KMT2C: variants seen among roughly 807,000 people sequenced by gnomAD.
KMT2C encodes histone-lysine N-methyltransferase 2C.
KMT2C carries 88 observed loss-of-function variants against 507.9 expected under a neutral mutation model. That is an observed-to-expected ratio of 0.17 (90% CI 0.15 to 0.21). The LOEUF (loss-of-function observed/expected upper bound fraction) is 0.21. Among genes scored for constraint, KMT2C ranks in the 10% least tolerant of loss-of-function variants. KMT2C has a pLI of 1.00. For synonymous variants in KMT2C, 2,049 were observed against 2,080.8 expected (o/e 0.98, Z 0.42); for missense variants, 4,954 against 5,957.8 (o/e 0.83, Z 5.55).
chr7:152,161,930 A>G (rs553003555), intron 43 of KMT2C, among the ~76,000 whole-genome samples, 187 bp downstream of exon 43: 9 of 152,380 alleles, frequency 5.9e-5, no homozygotes, highest in Admixed American at 2.6e-4. Flanking sequence ...ACAAATTATT[A>G]TTTAATATAG....
chr7:152,169,003 A>G (rs534969726), intron 41 of KMT2C, among the ~76,000 whole-genome samples, 183 bp downstream of exon 41: 1 of 152,342 alleles, frequency 6.6e-6, no homozygotes, highest in Admixed American at 6.5e-5. Context: ...TGCACAGTGA[A>G]AAAAGCAATG....
At chr7:152,185,422 A>G (rs1351632764) in intron 34 of KMT2C, 136 bp downstream of exon 34, 1 of 607,256 alleles carries the variant, frequency 1.6e-6, no homozygotes, top group Non-Finnish European at 2.9e-6. Flanking sequence ...AAATCACTTT[A>G]AAAATAAAGT....
chr7:152,191,291 G>A (rs1588084048), intron 31 of KMT2C, among the ~76,000 whole-genome samples: 1 of 152,096 alleles, frequency 6.6e-6, no homozygotes, highest in Admixed American at 6.5e-5. Context: ...TAAATTCATT[G>A]TACCTCCACT....
rs2129114947 is a variant in KMT2C, at chr7:152,177,522, A to T, written c.7931T>A (p.Met2644Lys). The change falls in exon 38 of 59, where the codon ATG (methionine) becomes AAG (lysine). Residue 2644 changes from methionine (M) to lysine (K), a missense_variant. Physicochemically the swap from Met to Lys is moderately conservative, Grantham distance 95 (BLOSUM62 -1). Transcript: ENST00000262189. ...EQGHSVHSSSMVMRTLNHPLG... is the reference protein window; with the variant it reads ...EQGHSVHSSSKVMRTLNHPLG... Reference sequence around the variant, plus strand: ...TGGATGGTTCAGAGTCCTCATGACCATAGAAGATGAATGGACAGAATGACC... The same window carrying T: ...TGGATGGTTCAGAGTCCTCATGACCTTAGAAGATGAATGGACAGAATGACC... The T allele has an allele frequency of 6.2e-7, 1 of 1,614,232 alleles. No homozygotes were observed. The highest frequency in any genetic ancestry group is 8.5e-7 in the Non-Finnish European group (1 of 1,180,048).
intron 28 of KMT2C, 29 bp from the exon 29 acceptor site, chr7:152,194,597 G>A (rs2129129832): frequency 1.3e-6 from 2 of 1,591,204 alleles, no homozygotes; most frequent in Non-Finnish European, 8.6e-7. Context: ...TAAATTTAAA[G>A]GTACATTCAG....
In KMT2C at chr7:152,153,122, C is replaced by T. The variant is rs989158384; in HGVS notation, c.12277-168G>A. ...ACCTCAGGAAAAAAATTAGCTCTAA[C>T]GAACTAATATCCAAAAAAAGAAATT... On this transcript the variant is annotated intron_variant, in intron 48 of 58. Coordinates refer to ENST00000262189, the MANE Select transcript of KMT2C (RefSeq NM_170606.3). Among the ~76,000 whole-genome samples the T allele has an allele frequency of 4.6e-5, 7 of 151,622 alleles. No individual in the cohort carries two copies. In the East Asian group the frequency reaches 5.9e-4, roughly 13 times the overall value.
intron 1 of KMT2C, among the ~76,000 whole-genome samples, chr7:152,402,247 TG>T (rs1413643428): frequency 6.6e-6 from 1 of 150,648 alleles, no homozygotes. Context: ...AAAAATCTAT[TG>T]GGGAAGCAGA....
At chr7:152,401,177 C>T (rs192453910) in intron 1 of KMT2C, among the ~76,000 whole-genome samples, 138 of 151,852 alleles carry the variant, frequency 9.1e-4, no homozygotes, top group Non-Finnish European at 1.5e-3. Flanking sequence ...CCTCCGCCTC[C>T]GGGGTTCAAG....
intron 1 of KMT2C, among the ~76,000 whole-genome samples, chr7:152,409,990 G>A (rs945466341): frequency 1.3e-5 from 2 of 152,188 alleles, no homozygotes; most frequent in Non-Finnish European, 2.9e-5. Context: ...AAAACCTTGA[G>A]AACTAAAGGG....
chr7:152,271,864 A>G (rs1192413723), intron 7 of KMT2C, among the ~76,000 whole-genome samples: 2 of 152,122 alleles, frequency 1.3e-5, no homozygotes, highest in Non-Finnish European at 2.9e-5. Flanking sequence ...TGTTATTATT[A>G]TATCATTATA....
intron 34 of KMT2C, among the ~76,000 whole-genome samples, chr7:152,183,962 C>T (rs1307831651): frequency 2.0e-5 from 3 of 150,782 alleles, no homozygotes; most frequent in Non-Finnish European, 4.4e-5. Flanking sequence ...ATCCCAGCTA[C>T]TTGGGAGGCT....
At chr7:152,195,625 G>T (rs2093939147) in intron 28 of KMT2C, 4 of 796,824 alleles carry the variant, frequency 5.0e-6, no homozygotes, top group Non-Finnish European at 6.1e-6. Flanking sequence ...GGAAGTGAGG[G>T]AAAATACAAA....
Position 152,187,414 on chromosome 7 carries a change from G to A in KMT2C, c.4856C>T (p.Ala1619Val), listed in dbSNP as rs1457412767. The A allele has an allele frequency of 1.4e-5, 22 of 1,614,120 alleles. No homozygotes were observed. The highest frequency in any genetic ancestry group is 1.7e-5 in the Non-Finnish European group (20 of 1,179,994). Residue 1619 changes from alanine to valine, a missense_variant, in exon 33 of 59, where the codon GCT (alanine) becomes GTT (valine). Physicochemically the swap from Ala to Val is moderately conservative, Grantham distance 64 (BLOSUM62 0). Transcript: ENST00000262189. ...SDPNNSWTSS[A>V]PTVEGENDTM... ...GTCATTTTCTCCTTCCACAGTGGGA[G>A]CTGATGATGTCCAAGAGTTGTTAGG... is the stretch of plus-strand genomic sequence containing the variant.
At chr7:152,178,676 A>G (rs933384333) in intron 37 of KMT2C, among the ~76,000 whole-genome samples, 5 of 152,100 alleles carry the variant, frequency 3.3e-5, no homozygotes, top group Admixed American at 2.0e-4. Context: ...GGAAATTAAG[A>G]GTAAGATTAC....
chr7:152,175,913 C>T lies in KMT2C; in HGVS notation c.9262+278G>A, dbSNP rs543828536. Among the ~76,000 whole-genome samples the T allele has an allele frequency of 4.6e-5, 7 of 152,178 alleles. No homozygotes were observed. The South Asian group carries it at 6.2e-4, about 14-fold the overall frequency. Reference sequence around the variant, plus strand: ...CAAAAATTGGCCAGGCATGGTGGCACGTGTCTGTAGTCCCAGCTACTCGGG... The same window carrying T: ...CAAAAATTGGCCAGGCATGGTGGCATGTGTCTGTAGTCCCAGCTACTCGGG... On this transcript the variant is annotated intron_variant, in intron 38 of 58. Transcript: ENST00000262189.
chr7:152,324,183 G>A (rs929221537), intron 3 of KMT2C, among the ~76,000 whole-genome samples: 1 of 151,410 alleles, frequency 6.6e-6, no homozygotes, highest in Non-Finnish European at 1.5e-5. Flanking sequence ...TGAGACAGGA[G>A]GAATAGGTTT....
chr7:152,372,764 G>A (rs1400067905), intron 1 of KMT2C, among the ~76,000 whole-genome samples: 1 of 152,144 alleles, frequency 6.6e-6, no homozygotes, highest in East Asian at 1.9e-4. Flanking sequence ...TACCGTAATA[G>A]TGGGGAACTT....
At chr7:152,372,765 T>C (rs545236149) in intron 1 of KMT2C, among the ~76,000 whole-genome samples, 10 of 152,282 alleles carry the variant, frequency 6.6e-5, no homozygotes, top group Admixed American at 2.6e-4. Flanking sequence ...ACCGTAATAG[T>C]GGGGAACTTA....
chr7:152,214,521 A>G (rs1316895572), intron 23 of KMT2C, among the ~76,000 whole-genome samples: 3 of 151,534 alleles, frequency 2.0e-5, no homozygotes, highest in African/African-American at 7.3e-5. Flanking sequence ...ATGCAAAATG[A>G]AAAAAAAATC....
Sources: allele counts gnomAD v4.1 joint callset (sites outside exome capture counted in the v4.1 genomes callset), GRCh38; gene constraint gnomAD v4.1.1; transcripts MANE v1.5; gene names NCBI Gene and HGNC (gene_info 2026-07-23, HGNC 2026-07-21).